Variants in DCBLD2 observed in about 807,000 individuals in gnomAD.
DCBLD2 encodes the protein discoidin, CUB and LCCL domain-containing protein 2.
DCBLD2 carries 54 observed loss-of-function variants against 86.8 expected under a neutral mutation model. That is an observed-to-expected ratio of 0.62 (90% CI 0.50 to 0.78). DCBLD2 has a LOEUF of 0.78. Among genes scored for constraint, DCBLD2 ranks in the 30% least tolerant of loss-of-function variants. DCBLD2 has a pLI of 0.00. For missense variants in DCBLD2, 908 were observed against 954.2 expected, an observed-to-expected ratio of 0.95 and a Z score of 0.64; for synonymous variants, 354 against 341.3, an observed-to-expected ratio of 1.04 and a Z score of -0.41.
chr3:98,852,917 C>G (rs745918641), intron 2 of DCBLD2, among the ~76,000 whole-genome samples: 1 of 152,116 alleles, frequency 6.6e-6, no homozygotes, highest in Non-Finnish European at 1.5e-5. Context: ...AGATGAGAAA[C>G]GTATTCCCAG....
intron 3 of DCBLD2, among the ~76,000 whole-genome samples, chr3:98,844,132 T>G (rs561615780): frequency 1.1e-4 from 17 of 151,962 alleles, no homozygotes; most frequent in Non-Finnish European, 1.9e-4. Context: ...AATGTATATA[T>G]TTCTTTTGAG....
chr3:98,859,276 C>T (rs1257594162), intron 2 of DCBLD2, among the ~76,000 whole-genome samples: 1 of 152,178 alleles, frequency 6.6e-6, no homozygotes, highest in African/African-American at 2.4e-5. Context: ...GCCTGCCTGC[C>T]TCTGTAGACT....
chr3:98,875,836 A>G (rs1203339206), intron 2 of DCBLD2, among the ~76,000 whole-genome samples: 1 of 152,190 alleles, frequency 6.6e-6, no homozygotes, highest in Non-Finnish European at 1.5e-5. Flanking sequence ...GTGATGGGGC[A>G]AGTGGTTAGT....
chr3:98,815,681 G>A (rs549188393), intron 9 of DCBLD2: 3 of 152,212 alleles, frequency 2.0e-5, no homozygotes, highest in Non-Finnish European at 2.9e-5. Flanking sequence ...AGAAAAGCAT[G>A]AGCATGTAAA....
At chr3:98,804,856 G>C (rs1450666066) in intron 13 of DCBLD2, 5 of 152,328 alleles carry the variant, frequency 3.3e-5, no homozygotes, top group South Asian at 2.1e-4. Flanking sequence ...GAGTGGTTTT[G>C]AGTGAGTTTC....
intron 12 of DCBLD2, among the ~76,000 whole-genome samples, chr3:98,810,349 G>A (rs1055163341): frequency 1.3e-5 from 2 of 152,214 alleles, no homozygotes; most frequent in Non-Finnish European, 2.9e-5. Flanking sequence ...AAATACTTCA[G>A]AAGATGGGAA....
intron 2 of DCBLD2, among the ~76,000 whole-genome samples, chr3:98,849,811 T>C (rs1379018679): frequency 6.6e-6 from 1 of 152,172 alleles, no homozygotes; most frequent in Non-Finnish European, 1.5e-5. Context: ...GGAAAAGCAG[T>C]ACATGCATCA....
intron 4 of DCBLD2, 98 bp from the exon 5 acceptor site, chr3:98,822,839 G>T: frequency 2.0e-6 from 2 of 997,676 alleles, no homozygotes; most frequent in Non-Finnish European, 1.4e-6. Flanking sequence ...TTCAGTTCAA[G>T]GTGAATACCA....
At chr3:98,839,175 T>TTCCTTCCTTCCTTCCTTC (rs1553727063) in intron 3 of DCBLD2, among the ~76,000 whole-genome samples, 69 of 101,616 alleles carry the variant, frequency 6.8e-4, no homozygotes, top group East Asian at 1.5e-3. Context: ...TTCTTTCCTT[T>TTCCTTCCTTCCTTCCTTC]CTTTCTTCCT....
intron 1 of DCBLD2, chr3:98,895,560 CA>C (rs751353749): frequency 2.6e-5 from 4 of 152,276 alleles, no homozygotes; most frequent in South Asian, 4.1e-4. Context: ...AGAAACCTAC[CA>C]AACTTCAAAG....
chr3:98,847,332 C>T (rs1163007580), intron 3 of DCBLD2, among the ~76,000 whole-genome samples: 5 of 152,168 alleles, frequency 3.3e-5, no homozygotes, highest in African/African-American at 7.2e-5. Flanking sequence ...GGCAGGGATA[C>T]CAAGAGTCCT....
chr3:98,885,111 T>C (rs1943538763), intron 1 of DCBLD2, among the ~76,000 whole-genome samples: 1 of 152,124 alleles, frequency 6.6e-6, no homozygotes, highest in Admixed American at 6.6e-5. Flanking sequence ...TACAGAGTTG[T>C]CTTTTTTCAT....
intron 3 of DCBLD2, among the ~76,000 whole-genome samples, chr3:98,847,213 C>T (rs1559784562): frequency 7.7e-6 from 1 of 130,158 alleles, no homozygotes; most frequent in Admixed American, 7.7e-5. Context: ...AGCCTACAAA[C>T]AGTACACATG....
chr3:98,858,458 G>A (rs1177627672), intron 2 of DCBLD2, among the ~76,000 whole-genome samples: 3 of 152,254 alleles, frequency 2.0e-5, no homozygotes, highest in Non-Finnish European at 2.9e-5. Flanking sequence ...AGCGAGGCCT[G>A]CGAGGGCTGC....
At chr3:98,877,378 T>C (rs542320042) in intron 2 of DCBLD2, among the ~76,000 whole-genome samples, 1 of 152,294 alleles carries the variant, frequency 6.6e-6, no homozygotes, top group Admixed American at 6.5e-5. Flanking sequence ...GTTCGAGTCA[T>C]GGGTTAGCAA....
Position 98,819,410 on chromosome 3 carries a change from A to G in DCBLD2, c.879T>C (p.Tyr293=), listed in dbSNP as rs76043820. The G allele has an allele frequency of 1.7e-4, 280 of 1,613,768 alleles. 3 individuals are homozygous for G. In the East Asian group the frequency reaches 6.0e-3, roughly 35 times the overall value. ...CACCAGACTCCATCCCCAGTGTTCC[A>G]TAACATCCTGAAACAAAGAAAAGAC... ...SLFTFKTSGC[Y]GTLGMESGVI... Residue 293 remains tyrosine (Y), a synonymous_variant, in exon 8 of 16, where the codon TAT becomes TAC. Transcript: ENST00000326840.
intron 2 of DCBLD2, among the ~76,000 whole-genome samples, chr3:98,851,145 A>G (rs767797055): frequency 6.6e-6 from 1 of 152,222 alleles, no homozygotes; most frequent in African/African-American, 2.4e-5. Context: ...GGAAGTGAGG[A>G]AGTAAAATTG....
chr3:98,801,952 T>A (rs1941730407), intron 13 of DCBLD2: 1 of 236,222 alleles, frequency 4.2e-6, no homozygotes, highest in Non-Finnish European at 8.3e-6. Context: ...ATTCAATCTA[T>A]CATTCATGGA....
chr3:98,809,442 G>A (rs1941897083), intron 12 of DCBLD2, among the ~76,000 whole-genome samples: 1 of 152,066 alleles, frequency 6.6e-6, no homozygotes, highest in South Asian at 2.1e-4. Flanking sequence ...GGTAGATCGA[G>A]GGGAACCAGG....
Sources: allele counts gnomAD v4.1 joint callset (sites outside exome capture counted in the v4.1 genomes callset), GRCh38; gene constraint gnomAD v4.1.1; transcripts MANE v1.5; gene names NCBI Gene and HGNC (gene_info 2026-07-23, HGNC 2026-07-21).